Variants in ACAP2 observed in about 807,000 individuals in gnomAD.
The protein encoded by ACAP2 is ArfGAP with coiled-coil, ankyrin repeat and PH domains 2, also known as arf-GAP with coiled-coil, ANK repeat and PH domain-containing protein 2.
Under a neutral mutation model 115.8 loss-of-function variants are expected in ACAP2, and 39 were observed. That is an observed-to-expected ratio of 0.34 (90% confidence interval 0.26 to 0.44). The LOEUF (loss-of-function observed/expected upper bound fraction) is 0.44, where lower values mean the gene tolerates loss of function less well. Ranked by LOEUF, ACAP2 falls within the 20% of genes least tolerant of loss-of-function variation. ACAP2 has a pLI of 1.00. For missense variants in ACAP2, 662 were observed against 927.6 expected, an observed-to-expected ratio of 0.71 and a Z score of 3.72; for synonymous variants, 289 against 315.8, an observed-to-expected ratio of 0.92 and a Z score of 0.90.
intron 1 of ACAP2, among the ~76,000 whole-genome samples, chr3:195,420,406 T>G (rs974581695): frequency 6.6e-6 from 1 of 152,182 alleles, no homozygotes; most frequent in African/African-American, 2.4e-5. Flanking sequence ...TGGAGTGCAG[T>G]GGCGCAATCT....
intron 1 of ACAP2, among the ~76,000 whole-genome samples, chr3:195,404,729 T>C (rs1712601564): frequency 6.7e-6 from 1 of 149,318 alleles, no homozygotes; most frequent in Non-Finnish European, 1.5e-5. Context: ...CACGCACATA[T>C]GTATTTATAT....
intron 1 of ACAP2, among the ~76,000 whole-genome samples, chr3:195,440,851 T>C (rs1176689590): frequency 1.3e-5 from 2 of 152,208 alleles, no homozygotes; most frequent in Non-Finnish European, 2.9e-5. Flanking sequence ...ATATAAGATG[T>C]TGAAGTTATT....
chr3:195,388,735 A>G (rs1734460457), intron 2 of ACAP2, among the ~76,000 whole-genome samples: 1 of 152,234 alleles, frequency 6.6e-6, no homozygotes, highest in African/African-American at 2.4e-5. Context: ...TAGATTAACA[A>G]TTTGAGCTGG....
intron 1 of ACAP2, among the ~76,000 whole-genome samples, chr3:195,421,659 G>A (rs554136208): frequency 5.9e-5 from 9 of 152,330 alleles, no homozygotes; most frequent in South Asian, 4.1e-4. Context: ...AATAGTTGCT[G>A]TACAATTGTG....
intron 1 of ACAP2, among the ~76,000 whole-genome samples, chr3:195,438,172 C>T (rs1282214921): frequency 6.6e-6 from 1 of 151,338 alleles, no homozygotes; most frequent in Non-Finnish European, 1.5e-5. Context: ...ATTACAGGTG[C>T]CCACCATCAC....
intron 8 of ACAP2, among the ~76,000 whole-genome samples, chr3:195,330,571 C>T (rs4677669): frequency 0.24 from 36,495 of 152,032 alleles, 5,126 homozygotes; most frequent in East Asian, 0.71. Context: ...GTCTAAAACC[C>T]AGGAAGGTCT....
At chr3:195,292,204 ATAT>A in intron 19 of ACAP2, 58 bp downstream of exon 19, 1 of 1,495,160 alleles carries the variant, frequency 6.7e-7, no homozygotes, top group Non-Finnish European at 8.9e-7. Flanking sequence ...AGTTCAGAAC[ATAT>A]TATGATTTTT....
chr3:195,393,572 T>TA (rs1426560876), intron 1 of ACAP2, among the ~76,000 whole-genome samples: 2 of 152,358 alleles, frequency 1.3e-5, no homozygotes, highest in African/African-American at 4.8e-5. Flanking sequence ...TCTTCCTGAC[T>TA]AAAAGTTTCT....
chr3:195,311,089 TTTG>T (rs1203781537), intron 10 of ACAP2, among the ~76,000 whole-genome samples: 8 of 120,698 alleles, frequency 6.6e-5, no homozygotes, highest in Non-Finnish European at 1.6e-5. Flanking sequence ...TTGTGGTTTT[TTTG>T]TTTTTTTTTT....
chr3:195,311,800 G>A (rs985763033), intron 10 of ACAP2, among the ~76,000 whole-genome samples: 2 of 152,090 alleles, frequency 1.3e-5, no homozygotes, highest in Non-Finnish European at 2.9e-5. Context: ...GCCTCCCAAA[G>A]TGCTGGGATT....
At chr3:195,288,727 TCAC>T (rs1282375417) in intron 21 of ACAP2, among the ~76,000 whole-genome samples, 3 of 152,000 alleles carry the variant, frequency 2.0e-5, no homozygotes. Flanking sequence ...TTGTGGTGGA[TCAC>T]GCCTGTAATC....
At chr3:195,374,196 G>A (rs1733361685) in intron 4 of ACAP2, among the ~76,000 whole-genome samples, 1 of 152,086 alleles carries the variant, frequency 6.6e-6, no homozygotes, top group Admixed American at 6.5e-5. Context: ...GACCAGCCTG[G>A]CCAACTTGGT....
intron 1 of ACAP2, among the ~76,000 whole-genome samples, chr3:195,424,239 TGTGTG>T (rs1577460849): frequency 9.9e-6 from 1 of 101,282 alleles, no homozygotes; most frequent in African/African-American, 3.8e-5. Flanking sequence ...TGTGTGTGTG[TGTGTG>T]GTGTGTGTGT....
At chr3:195,305,794 T>C (rs922841175) in intron 13 of ACAP2, among the ~76,000 whole-genome samples, 5 of 151,978 alleles carry the variant, frequency 3.3e-5, no homozygotes, top group Non-Finnish European at 7.4e-5. Flanking sequence ...TAAGCCTTTC[T>C]GCTTGGATCA....
chr3:195,372,861 A>T (rs1577374343), intron 4 of ACAP2, among the ~76,000 whole-genome samples: 1 of 152,106 alleles, frequency 6.6e-6, no homozygotes, highest in East Asian at 1.9e-4. Context: ...AAGAGCACTG[A>T]CTGTTTTGCA....
chr3:195,344,026 TAGTG>T (rs1560266754), intron 5 of ACAP2, among the ~76,000 whole-genome samples: 2 of 151,900 alleles, frequency 1.3e-5, no homozygotes, highest in Non-Finnish European at 2.9e-5. Context: ...CTCAGCAACA[TAGTG>T]AGACTTGCCT....
chr3:195,304,455 G>C (rs111272853), intron 13 of ACAP2, among the ~76,000 whole-genome samples: 2 of 152,126 alleles, frequency 1.3e-5, no homozygotes, highest in Non-Finnish European at 2.9e-5. Flanking sequence ...ACCAATTCAC[G>C]AAAGTATTAA....
chr3:195,304,037 G>A (rs1728245874), intron 13 of ACAP2, among the ~76,000 whole-genome samples: 1 of 151,660 alleles, frequency 6.6e-6, no homozygotes, highest in East Asian at 1.9e-4. Flanking sequence ...GGTGGTACAT[G>A]CCTGTAATCC....
intron 1 of ACAP2, among the ~76,000 whole-genome samples, chr3:195,396,203 ATCGCGCCACTG>A (rs1355492098): frequency 6.6e-6 from 1 of 152,016 alleles, no homozygotes; most frequent in Non-Finnish European, 1.5e-5. Context: ...GTGAGCTGAG[ATCGCGCCACTG>A]CACTCCAGCC....
Sources: gnomAD v4.1 joint callset for allele counts (sites outside exome capture counted in the v4.1 genomes callset) on GRCh38, gnomAD v4.1.1 for gene constraint, MANE v1.5 for transcripts, NCBI Gene and HGNC (gene_info 2026-07-23, HGNC 2026-07-21) for gene names.